ANXA13: variants seen among roughly 807,000 people sequenced by gnomAD.
The protein encoded by ANXA13 is annexin XIII.
A neutral mutation model predicts 46.6 loss-of-function variants in ANXA13; 36 were observed. The observed-to-expected ratio is 0.77, with a 90% CI of 0.59 to 1.02. The LOEUF (loss-of-function observed/expected upper bound fraction) is 1.02, where lower values mean the gene tolerates loss of function less well. Ranked by LOEUF, ANXA13 falls within the 50% of genes least tolerant of loss-of-function variation. The pLI, the probability that ANXA13 is intolerant of heterozygous loss-of-function variation, is 0.00. For synonymous variants in ANXA13, 163 were observed against 152.9 expected, an observed-to-expected ratio of 1.07 and a Z score of -0.49; for missense variants, 417 against 396.5, an observed-to-expected ratio of 1.05 and a Z score of -0.44.
chr8:123,723,355 C>T (rs879611831), intron 1 of ANXA13, among the ~76,000 whole-genome samples: 24 of 152,194 alleles, frequency 1.6e-4, no homozygotes, highest in Non-Finnish European at 2.8e-4. Context: ...CTTTCTGAAA[C>T]CATTCCTGAT....
In ANXA13 at chr8:123,719,190, GTCCTGATTTTC is replaced by G. The variant is rs527616455; in HGVS notation, c.16-6448_16-6438del. Reference sequence around the variant, plus strand: ...TACATTCATACTTGTCAGTCCTTGTGTCCTGATTTTCTACTTGAATAGCTTCAAGGCTGGAC... The same window carrying G: ...TACATTCATACTTGTCAGTCCTTGTGTACTTGAATAGCTTCAAGGCTGGAC... On this transcript the variant is annotated intron_variant, in intron 1 of 10. Transcript: ENST00000419625. 3.2e-4 allele frequency among the ~76,000 whole-genome samples: 49 copies of G among 152,314 alleles called. 3 individuals carry two copies. The South Asian group carries it at 0.01, about 32-fold the overall frequency.
At chr8:123,699,878 C>T (rs1436593932) in intron 3 of ANXA13, among the ~76,000 whole-genome samples, 1 of 152,220 alleles carries the variant, frequency 6.6e-6, no homozygotes, top group Non-Finnish European at 1.5e-5. Context: ...GCTAGACTGA[C>T]CTCACAGGGT....
rs549076335 is a variant in ANXA13 at position 123,709,228 on chromosome 8, G to A, written c.91+3450C>T. 1.4e-4 allele frequency among the ~76,000 whole-genome samples: 22 copies of A among 152,268 alleles called. No homozygotes were observed. In the Middle Eastern group the frequency reaches 0.01, roughly 71 times the overall value. ...GGGCCAATGAGGTGCTGGGCTCTGC[G>A]TTGCCTGCTTTATCCCTCTCCATGT... On this transcript the variant is annotated intron_variant, in intron 2 of 10. Transcript: ENST00000419625.
intron 4 of ANXA13, among the ~76,000 whole-genome samples, chr8:123,696,080 C>T (rs1165977958): frequency 2.6e-5 from 4 of 152,080 alleles, no homozygotes; most frequent in South Asian, 4.1e-4. Flanking sequence ...GTTAGAAGTT[C>T]AGTGCGTATC....
chr8:123,725,269 C>T (rs1232934292), intron 1 of ANXA13, among the ~76,000 whole-genome samples: 1 of 152,044 alleles, frequency 6.6e-6, no homozygotes, highest in Non-Finnish European at 1.5e-5. Context: ...TATTTGGCAA[C>T]AATCATGAAG....
chr8:123,699,574 C>T (rs1406883726), intron 3 of ANXA13, among the ~76,000 whole-genome samples: 4 of 152,240 alleles, frequency 2.6e-5, no homozygotes, highest in Non-Finnish European at 5.9e-5. Flanking sequence ...CTGTCTCCCT[C>T]TGACAATGTG....
intron 2 of ANXA13, among the ~76,000 whole-genome samples, chr8:123,707,965 G>C (rs563570330): frequency 6.6e-6 from 1 of 152,266 alleles, no homozygotes; most frequent in South Asian, 2.1e-4. Flanking sequence ...TGGACGTCGG[G>C]GGAGGCTATG....
At chr8:123,688,125 A>G (rs532935338) in intron 9 of ANXA13, among the ~76,000 whole-genome samples, 1 of 152,218 alleles carries the variant, frequency 6.6e-6, no homozygotes, top group Admixed American at 6.5e-5. Context: ...TCCCCACCCA[A>G]ATCTCATCTT....
intron 1 of ANXA13, 139 bp downstream of exon 1, chr8:123,737,180 TG>T: frequency 1.2e-6 from 1 of 823,262 alleles, no homozygotes. Context: ...TTTAAAAGCA[TG>T]GTATGCTGTT....
At chr8:123,694,638 C>T (rs1479863250) in intron 6 of ANXA13, among the ~76,000 whole-genome samples, 1 of 152,168 alleles carries the variant, frequency 6.6e-6, no homozygotes, top group East Asian at 1.9e-4. Flanking sequence ...CTCTGAGCCT[C>T]AGATGAGATG....
chr8:123,687,168 G>GT (rs1450431625), intron 9 of ANXA13, among the ~76,000 whole-genome samples: 2 of 152,126 alleles, frequency 1.3e-5, no homozygotes, highest in Non-Finnish European at 2.9e-5. Flanking sequence ...GCCCAGGCAG[G>GT]TGCTGAGTAA....
At chr8:123,724,442 C>T (rs1039983538) in intron 1 of ANXA13, among the ~76,000 whole-genome samples, 1 of 152,060 alleles carries the variant, frequency 6.6e-6, no homozygotes, top group Admixed American at 6.6e-5. Context: ...TCTAAAACTC[C>T]CCAGACAATT....
intron 1 of ANXA13, among the ~76,000 whole-genome samples, chr8:123,723,136 A>C (rs1813917634): frequency 6.6e-6 from 1 of 152,144 alleles, no homozygotes; most frequent in Non-Finnish European, 1.5e-5. Flanking sequence ...AATCTATGCA[A>C]ATGGATTGCT....
chr8:123,728,916 A>G (rs768007936), intron 1 of ANXA13, among the ~76,000 whole-genome samples: 5 of 152,088 alleles, frequency 3.3e-5, no homozygotes, highest in Non-Finnish European at 5.9e-5. Context: ...AGTCCCCATT[A>G]TTTGGAAAGA....
chr8:123,736,819 C>A (rs1453061746), intron 1 of ANXA13, among the ~76,000 whole-genome samples: 5 of 149,828 alleles, frequency 3.3e-5, no homozygotes, highest in Non-Finnish European at 7.4e-5. Context: ...AGATTTTTGG[C>A]CAATAAGGGA....
intron 2 of ANXA13, among the ~76,000 whole-genome samples, chr8:123,704,095 G>A (rs977415355): frequency 2.6e-5 from 4 of 152,150 alleles, no homozygotes; most frequent in African/African-American, 9.7e-5. Context: ...GGTCCAGTCC[G>A]CGGTGGTCCT....
chr8:123,735,831 C>T (rs1814253181), intron 1 of ANXA13: 1 of 1,612,264 alleles, frequency 6.2e-7, no homozygotes, highest in Non-Finnish European at 8.5e-7. Flanking sequence ...TTGGGAGTCC[C>T]CTTTAGGCAA....
At chr8:123,730,146 G>A (rs1814086812) in intron 1 of ANXA13, among the ~76,000 whole-genome samples, 1 of 152,114 alleles carries the variant, frequency 6.6e-6, no homozygotes. Flanking sequence ...TCTCTCCAGG[G>A]CCACTGCTTC....
At chr8:123,733,482 A>G (rs552688583) in intron 1 of ANXA13, among the ~76,000 whole-genome samples, 353 of 152,024 alleles carry the variant, frequency 2.3e-3, no homozygotes, top group South Asian at 8.1e-3. Context: ...CTGAGTGTTC[A>G]CCTTGCCTGG....
Sources: gnomAD v4.1 joint callset for allele counts (sites outside exome capture counted in the v4.1 genomes callset) on GRCh38, gnomAD v4.1.1 for gene constraint, MANE v1.5 for transcripts, NCBI Gene and HGNC (gene_info 2026-07-23, HGNC 2026-07-21) for gene names.